The following ALPK2 variants were observed in gnomAD, a reference collection of about 807,000 sequenced individuals.
The protein encoded by ALPK2 is alpha-protein kinase 2.
Under a neutral mutation model 163.1 loss-of-function variants are expected in ALPK2, and 127 were observed. That is an observed-to-expected ratio of 0.78 (90% CI 0.67 to 0.90). The LOEUF (loss-of-function observed/expected upper bound fraction) is 0.90. ALPK2 is among the 40% of genes least tolerant of loss of function. The probability of loss-of-function intolerance (pLI) is 0.00; values close to 1 mark genes in which losing one functional copy is unlikely to be tolerated. For missense variants in ALPK2, 2,360 were observed against 2,589.6 expected (o/e 0.91, Z 1.92); for synonymous variants, 953 against 959.1 (o/e 0.99, Z 0.12).
intron 12 of ALPK2, among the ~76,000 whole-genome samples, chr18:58,487,633 C>G (rs1413030956): frequency 6.6e-6 from 1 of 152,044 alleles, no homozygotes; most frequent in Non-Finnish European, 1.5e-5. Flanking sequence ...TGTCCTTAAC[C>G]TCTAATTAGT....
chr18:58,604,516 A>G lies in ALPK2; in HGVS notation c.227+2806T>C, dbSNP rs114308745. On this transcript the variant is annotated intron_variant, in intron 3 of 12. Coordinates refer to ENST00000361673, the MANE Select transcript of ALPK2 (RefSeq NM_052947.4). ...AAGCCCAAGCATCAGTGGGTTTTAA[A>G]GTCTCCCCAGGTGATACTAACGGGC... Among the ~76,000 whole-genome samples, 710 of 152,332 alleles carry G rather than the reference A, an allele frequency of 4.7e-3. 6 individuals carry two copies. Among genetic ancestry groups the G allele is most frequent in the African/African-American group, 0.017 (689 of 41,572 alleles).
chr18:58,523,148 G>A (rs36134296), intron 8 of ALPK2, among the ~76,000 whole-genome samples: 1 of 141,270 alleles, frequency 7.1e-6, no homozygotes, highest in Middle Eastern at 4.3e-3. Flanking sequence ...CCATCTATGA[G>A]TGAGAACATG....
chr18:58,594,707 T>C (rs2052032515), intron 3 of ALPK2, among the ~76,000 whole-genome samples: 1 of 152,126 alleles, frequency 6.6e-6, no homozygotes, highest in Admixed American at 6.5e-5. Flanking sequence ...GCAATTCCAT[T>C]CTACCAATTG....
intron 11 of ALPK2, among the ~76,000 whole-genome samples, chr18:58,499,704 TCCTGCCTCCTGTGCTCTTGCC>T (rs1470850652): frequency 1.3e-5 from 2 of 152,244 alleles, no homozygotes; most frequent in Non-Finnish European, 2.9e-5. Context: ...GATGCCTGGG[TCCTGCCTCCTGTGCTCTTGCC>T]CCTGCCTCTT....
At position 58,580,406 on chromosome 18, in the gene ALPK2, C is replaced by T. The variant is rs2051952260; in HGVS notation, c.370G>A (p.Gly124Ser). ...SPNLEDDRDR[G>S]WKHETGTHEE... ...TGTGTCCCTGTTTCATGTTTCCAAC[C>T]CCTGTCCCTGTCATCTTCCAGGTTA... Residue 124 changes from glycine to serine, a missense_variant, in exon 4 of 13, where the codon GGT becomes AGT. Gly to Ser is a moderately conservative substitution (Grantham distance 56). Transcript: ENST00000361673. 2 of 1,614,118 alleles carry T rather than the reference C, an allele frequency of 1.2e-6. No individual in the cohort carries two copies. Among genetic ancestry groups the T allele is most frequent in the Middle Eastern group, 1.6e-4 (1 of 6,062 alleles).
chr18:58,596,164 T>A (rs2052040018), intron 3 of ALPK2, among the ~76,000 whole-genome samples: 1 of 152,158 alleles, frequency 6.6e-6, no homozygotes, highest in Non-Finnish European at 1.5e-5. Context: ...CAAAACCAGG[T>A]CTGAGAATTT....
At position 58,613,708 on chromosome 18, in the gene ALPK2, A is replaced by ATAAT. The variant is rs1555678002; in HGVS notation, c.-20-1892_-20-1891insATTA. 3.2e-5 allele frequency among the ~76,000 whole-genome samples: 3 copies of ATAAT among 95,184 alleles called. No individual in the cohort carries two copies. In the Admixed American group the frequency reaches 3.4e-4, roughly 11 times the overall value. 62.4% of individuals were successfully genotyped at this position (95,184 alleles called of 152,430 possible). A position where few individuals can be genotyped will look rare whatever the true frequency, so the allele number is the denominator to read the frequency against. The stretch of plus-strand genomic sequence containing the variant: ...AGCAAGACTCCATCTCAAAAAAAAA[A>ATAAT]AATAATAATAATAATAATAATAATA... On this transcript the variant is annotated intron_variant, in intron 1 of 12. Transcript: ENST00000361673.
intron 10 of ALPK2, chr18:58,511,535 G>A (rs953307647): frequency 6.6e-6 from 1 of 152,218 alleles, no homozygotes; most frequent in African/African-American, 2.4e-5. Flanking sequence ...TCTCCACCCA[G>A]GCTGTGCCTT....
intron 3 of ALPK2, among the ~76,000 whole-genome samples, chr18:58,603,841 G>C (rs1053406221): frequency 2.6e-5 from 4 of 151,968 alleles, no homozygotes; most frequent in Admixed American, 6.6e-5. Flanking sequence ...TCAAGCTACA[G>C]TGCATACCAT....
chr18:58,548,678 C>T (rs185344440), intron 4 of ALPK2, among the ~76,000 whole-genome samples: 19 of 152,162 alleles, frequency 1.2e-4, no homozygotes, highest in East Asian at 3.9e-4. Flanking sequence ...TCACAGGTGA[C>T]GCAGCAGGCA....
intron 4 of ALPK2, among the ~76,000 whole-genome samples, chr18:58,545,667 A>G (rs560386520): frequency 6.6e-6 from 1 of 152,172 alleles, no homozygotes; most frequent in South Asian, 2.1e-4. Context: ...GTGTGCCAAC[A>G]TGCCCTACCA....
chr18:58,542,640 G>A (rs925768122), intron 4 of ALPK2, among the ~76,000 whole-genome samples: 1 of 152,178 alleles, frequency 6.6e-6, no homozygotes, highest in East Asian at 1.9e-4. Flanking sequence ...ACCAAGGAAG[G>A]ACAAAGTTGG....
chr18:58,531,507 A>G (rs1602203549), intron 5 of ALPK2, among the ~76,000 whole-genome samples: 1 of 152,158 alleles, frequency 6.6e-6, no homozygotes, highest in East Asian at 1.9e-4. Flanking sequence ...AACTTTTGTT[A>G]TTTTTAAGCA....
At chr18:58,512,735 G>A (rs2051497030) in intron 10 of ALPK2, among the ~76,000 whole-genome samples, 1 of 126,514 alleles carries the variant, frequency 7.9e-6, no homozygotes, top group South Asian at 3.4e-4. Flanking sequence ...TGTGGTGTGT[G>A]TGTTATGTGG....
chr18:58,620,250 C>T (rs1271257289), intron 1 of ALPK2, among the ~76,000 whole-genome samples: 1 of 152,132 alleles, frequency 6.6e-6, no homozygotes, highest in Non-Finnish European at 1.5e-5. Flanking sequence ...GAGATCACGC[C>T]ATTGCACTCC....
intron 11 of ALPK2, 119 bp downstream of exon 11, chr18:58,503,812 A>C (rs1281961284): frequency 3.6e-6 from 3 of 841,568 alleles, no homozygotes; most frequent in Admixed American, 2.5e-5. Context: ...TTCTGCAGGT[A>C]AAGGTGTTTC....
At chr18:58,532,201 C>T (rs897938065) in intron 5 of ALPK2, among the ~76,000 whole-genome samples, 6 of 152,160 alleles carry the variant, frequency 3.9e-5, no homozygotes, top group South Asian at 2.1e-4. Flanking sequence ...TCCCATCAGT[C>T]GATGGCCCTT....
intron 1 of ALPK2, among the ~76,000 whole-genome samples, chr18:58,620,013 G>C (rs1411150449): frequency 6.6e-6 from 1 of 152,174 alleles, no homozygotes; most frequent in African/African-American, 2.4e-5. Flanking sequence ...GGATACGGTG[G>C]GGCGCGGTGG....
intron 10 of ALPK2, among the ~76,000 whole-genome samples, chr18:58,508,240 A>C (rs1393848495): frequency 6.6e-6 from 1 of 152,210 alleles, no homozygotes; most frequent in East Asian, 1.9e-4. Context: ...AACAAAAAAA[A>C]CCCAGGCCTC....
Sources: gnomAD v4.1 joint callset for allele counts (sites outside exome capture counted in the v4.1 genomes callset) on GRCh38, gnomAD v4.1.1 for gene constraint, MANE v1.5 for transcripts, NCBI Gene and HGNC (gene_info 2026-07-23, HGNC 2026-07-21) for gene names.